The following RBMS1 variants were observed in gnomAD, a reference collection of about 807,000 sequenced individuals.
RBMS1 encodes the protein RNA-binding motif, single-stranded-interacting protein 1.
A neutral mutation model predicts 62.3 loss-of-function variants in RBMS1; 17 were observed. That is an observed-to-expected ratio of 0.27 (90% CI 0.19 to 0.41). The LOEUF is 0.41. Among genes scored for constraint, RBMS1 ranks in the 10% least tolerant of loss-of-function variants. The pLI, the probability that RBMS1 is intolerant of heterozygous loss-of-function variation, is 1.00. For missense variants in RBMS1, 334 were observed against 504.5 expected (o/e 0.66, Z 3.24); for synonymous variants, 172 against 170.0 (o/e 1.01, Z -0.09).
chr2:160,459,495 T>C (rs970813062), intron 1 of RBMS1, among the ~76,000 whole-genome samples: 6 of 144,574 alleles, frequency 4.2e-5, no homozygotes, highest in Non-Finnish European at 9.5e-5. Flanking sequence ...GTGATACACA[T>C]GTTAATCTTT....
chr2:160,339,822 G>C (rs1367963185), intron 2 of RBMS1, among the ~76,000 whole-genome samples: 1 of 152,070 alleles, frequency 6.6e-6, no homozygotes, highest in African/African-American at 2.4e-5. Flanking sequence ...TGTTTTAAAG[G>C]TATTTATCTT....
At chr2:160,439,727 A>G (rs927571714) in intron 1 of RBMS1, among the ~76,000 whole-genome samples, 118 of 152,278 alleles carry the variant, frequency 7.7e-4, no homozygotes, top group African/African-American at 2.7e-3. Flanking sequence ...AGGTTGTAGC[A>G]AGCCGAGATC....
intron 4 of RBMS1, among the ~76,000 whole-genome samples, chr2:160,307,165 G>C (rs546052953): frequency 6.6e-6 from 1 of 152,060 alleles, no homozygotes; most frequent in Non-Finnish European, 1.5e-5. Flanking sequence ...CTCCCCGTGC[G>C]TGTGGAATGG....
intron 10 of RBMS1, 58 bp from the exon 11 acceptor site, chr2:160,278,716 G>A: frequency 9.2e-7 from 1 of 1,088,024 alleles, no homozygotes; most frequent in South Asian, 1.5e-5. Flanking sequence ...TTAAGATCCT[G>A]TAATTACTTT....
intron 9 of RBMS1, chr2:160,283,864 G>A (rs1239333663): frequency 6.6e-6 from 1 of 152,106 alleles, no homozygotes; most frequent in African/African-American, 2.4e-5. Context: ...TAAAGATGAG[G>A]AAACTGAGGC....
rs1688444264 is a variant in RBMS1 at position 160,287,187 on chromosome 2, T to A, written c.641-103A>T. The A allele has an allele frequency of 5.4e-6, 8 of 1,478,276 alleles. No homozygotes were observed. The East Asian group carries it at 1.8e-4, about 34-fold the overall frequency. The allele number at this position is 1,478,276 out of a possible 1,614,324, so 91.6% of individuals were successfully genotyped here. ...AATAGTGTTCACGCTATTAGAAAAT[T>A]CATACAACACTTTAAGGCAAAAGCA... On this transcript the variant is annotated intron_variant, in intron 6 of 13. Transcript: ENST00000348849.
intron 1 of RBMS1, chr2:160,407,614 G>A: frequency 1.0e-6 from 1 of 982,246 alleles, no homozygotes. Context: ...GCAAGGAGGT[G>A]GCCGGCCGGG....
intron 6 of RBMS1, among the ~76,000 whole-genome samples, chr2:160,294,002 T>C (rs1203700112): frequency 1.3e-5 from 2 of 152,190 alleles, no homozygotes; most frequent in Non-Finnish European, 2.9e-5. Context: ...AAGCAAGTAT[T>C]AAGTGGTTGT....
chr2:160,389,891 T>C (rs1319086539), intron 1 of RBMS1, among the ~76,000 whole-genome samples: 1 of 150,928 alleles, frequency 6.6e-6, no homozygotes, highest in East Asian at 1.9e-4. Flanking sequence ...AACCTGAAGG[T>C]TGAGAAAAAC....
chr2:160,315,900 C>T (rs1241895125), intron 3 of RBMS1, among the ~76,000 whole-genome samples: 1 of 152,082 alleles, frequency 6.6e-6, no homozygotes. Context: ...TTTCCTTCAG[C>T]TTAATTCTCT....
intron 1 of RBMS1, among the ~76,000 whole-genome samples, chr2:160,442,819 C>A (rs1052136071): frequency 1.3e-5 from 2 of 152,178 alleles, no homozygotes; most frequent in African/African-American, 2.4e-5. Flanking sequence ...GAAGGAACAA[C>A]CGCCTGCTAG....
At chr2:160,398,218 A>G (rs1695245198) in intron 1 of RBMS1, among the ~76,000 whole-genome samples, 1 of 152,180 alleles carries the variant, frequency 6.6e-6, no homozygotes, top group South Asian at 2.1e-4. Flanking sequence ...AATACTCTAA[A>G]CCACTCACCA....
intron 4 of RBMS1, among the ~76,000 whole-genome samples, chr2:160,307,721 GA>G (rs1308757772): frequency 6.6e-6 from 1 of 152,030 alleles, no homozygotes; most frequent in Non-Finnish European, 1.5e-5. Context: ...CCCAAGCTTG[GA>G]AAAAAGTTAT....
At chr2:160,286,702 T>C (rs540823134) in intron 7 of RBMS1, among the ~76,000 whole-genome samples, 1 of 152,322 alleles carries the variant, frequency 6.6e-6, no homozygotes, top group East Asian at 1.9e-4. Flanking sequence ...AATGCTCTTT[T>C]ACTTCATGTG....
At chr2:160,465,888 A>ACACTCT (rs569580064) in intron 1 of RBMS1, among the ~76,000 whole-genome samples, 165 of 145,376 alleles carry the variant, frequency 1.1e-3, no homozygotes, top group Middle Eastern at 3.5e-3. Context: ...ACACACACAC[A>ACACTCT]CTCTCACATT....
intron 1 of RBMS1, among the ~76,000 whole-genome samples, chr2:160,475,268 C>T (rs1248403621): frequency 6.6e-6 from 1 of 152,224 alleles, no homozygotes; most frequent in Non-Finnish European, 1.5e-5. Flanking sequence ...GCCTCTCCAC[C>T]TTTTCCCCTC....
At chr2:160,456,522 T>C (rs1559574643) in intron 1 of RBMS1, among the ~76,000 whole-genome samples, 1 of 152,226 alleles carries the variant, frequency 6.6e-6, no homozygotes. Context: ...AAATTTTCCT[T>C]CTCTTCTAAA....
chr2:160,275,463 TC>T, intron 13 of RBMS1, 166 bp downstream of exon 13: 1 of 1,246,660 alleles, frequency 8.0e-7, no homozygotes, highest in Non-Finnish European at 1.0e-6. Flanking sequence ...AATCTTAAAT[TC>T]ATAAAATCAC....
In RBMS1 at chr2:160,280,629, T is replaced by TA. The variant is rs138516250; in HGVS notation, c.951+684dup. 3.4e-3 allele frequency among the ~76,000 whole-genome samples: 524 copies of TA among 152,322 alleles called. 6 individuals carry two copies. The highest frequency in any genetic ancestry group is 0.012 in the African/African-American group (505 of 41,568). ...ATTTTGCATCAGTTACTAGAAAGCT[T>TA]AGAGCCAAATTTGTGATTTTCTCAT... On this transcript the variant is annotated intron_variant, in intron 10 of 13. Coordinates refer to ENST00000348849, the MANE Select transcript of RBMS1 (RefSeq NM_016836.4).
Sources: gnomAD v4.1 joint callset for allele counts (sites outside exome capture counted in the v4.1 genomes callset) on GRCh38, gnomAD v4.1.1 for gene constraint, MANE v1.5 for transcripts, NCBI Gene and HGNC (gene_info 2026-07-23, HGNC 2026-07-21) for gene names.